Variants in IGFN1 observed in about 807,000 individuals in gnomAD.
IGFN1 encodes immunoglobulin-like and fibronectin type III domain-containing protein 1.
IGFN1 carries 253 observed loss-of-function variants against 289.5 expected under a neutral mutation model. The observed-to-expected ratio is 0.87, with a 90% CI of 0.79 to 0.97. The LOEUF (loss-of-function observed/expected upper bound fraction) is 0.97. Ranked by LOEUF, IGFN1 falls within the 50% of genes least tolerant of loss-of-function variation. The probability of loss-of-function intolerance (pLI) is 0.00; values close to 1 mark genes in which losing one functional copy is unlikely to be tolerated. For missense variants in IGFN1, 4,470 were observed against 4,686.1 expected (o/e 0.95, Z 1.35); for synonymous variants, 1,706 against 1,788.5 (o/e 0.95, Z 1.16).
rs760375729 is a variant in IGFN1 at position 201,212,236 on chromosome 1, T to G, written c.7343T>G (p.Leu2448Arg). The G allele has an allele frequency of 3.3e-6, 5 of 1,534,424 alleles. No individual in the cohort carries two copies. The South Asian group carries it at 6.0e-5, about 18-fold the overall frequency. ...GACAGCCTCAGGGGCACAGGGGTGC[T>G]GGGGTCTCAGGGAGGGCGACAGACT... ...HRDSLRGTGV[L>R]GSQGGRQTLS... The change falls in exon 12 of 24, where the codon CTG (leucine) becomes CGG (arginine). Residue 2448 changes from leucine (L) to arginine (R), a missense_variant. This residue lies in a region of IGFN1 where 2,218 missense variants were observed against 2,114.1 expected (regional missense o/e 1.05). Transcript: ENST00000335211.
chr1:201,225,913 C>T lies in IGFN1; in HGVS notation c.10576C>T (p.Gln3526Ter). ...GTGGGAACCCTCTCCTGACGAGGCC[C>T]AGGATGTCCCGCTGCACTACGCGGT... ...AEWEPSPDEAQDVPLHYAVFT... is the reference protein window; with the variant it reads ...AEWEPSPDEA Residue 3526 changes from glutamine to a stop codon, truncating the protein, a stop_gained, in exon 22 of 24, where the codon CAG becomes TAG. Coordinates refer to ENST00000335211, the MANE Select transcript of IGFN1 (RefSeq NM_001164586.2). LOFTEE classifies it high-confidence loss of function. The T allele has an allele frequency of 6.2e-7, 1 of 1,609,748 alleles. No individual in the cohort carries two copies. The highest frequency in any genetic ancestry group is 2.2e-5 in the East Asian group (1 of 44,854).
intron 18 of IGFN1, among the ~76,000 whole-genome samples, 180 bp downstream of exon 18, chr1:201,218,838 A>G (rs1334542533): frequency 6.6e-6 from 1 of 152,092 alleles, no homozygotes; most frequent in Non-Finnish European, 1.5e-5. Context: ...TAGGGGCCCT[A>G]CGTGAGCTCA....
chr1:201,205,197 G>T lies in IGFN1; in HGVS notation c.1032G>T (p.Arg344=). 6.4e-7 allele frequency: 1 copy of T among 1,551,252 alleles called. No individual in the cohort carries two copies. The change falls in exon 11 of 24, where the codon CGG becomes CGT. Residue 344 remains arginine, a synonymous_variant. Coordinates refer to ENST00000335211, the MANE Select transcript of IGFN1 (RefSeq NM_001164586.2). ...SPCPSAAWHF[R]HRLLHPSDKY... is the part of the protein sequence containing the mutation. ...GCCCTAGTGCAGCCTGGCATTTCCG[G>T]CACCGGCTACTCCACCCCAGTGACA...
In IGFN1 at chr1:201,209,290, C is replaced by T. The variant is rs375974998; in HGVS notation, c.4397C>T (p.Ala1466Val). 2.6e-5 allele frequency: 39 copies of T among 1,482,442 alleles called. No individual in the cohort carries two copies. The highest frequency in any genetic ancestry group is 3.5e-4 in the Middle Eastern group (2 of 5,724). 91.8% of individuals were successfully genotyped at this position (1,482,442 alleles called of 1,614,324 possible). Residue 1466 changes from alanine (A) to valine (V), a missense_variant, in exon 12 of 24, where the codon GCT (alanine) becomes GTT (valine). Around this residue, in one of 8 missense-constraint regions of IGFN1, gnomAD observed 2,011 missense variants for 1,953.4 expected, o/e 1.03. Transcript: ENST00000335211. Reference sequence around the variant, plus strand: ...GCAGGTTATAGGAAAAATTTGGGAGCTCCTGAGAGAATGGATTCAGGGAGC... The same window carrying T: ...GCAGGTTATAGGAAAAATTTGGGAGTTCCTGAGAGAATGGATTCAGGGAGC... ...DEAGYRKNLG[A>V]PERMDSGSKA...
Position 201,205,374 on chromosome 1 carries a change from G to A in IGFN1, c.1189+20G>A, listed in dbSNP as rs1012182638. The stretch of plus-strand genomic sequence containing the variant: ...TTGAAGGTGAGTGCTTCAAAACTCT[G>A]TCTTTCTCTGCCTCCAGGGAAGACC... On this transcript the variant is annotated intron_variant, in intron 11 of 23. Transcript: ENST00000335211. 1.3e-6 allele frequency: 2 copies of A among 1,508,228 alleles called. No homozygotes were observed. Among genetic ancestry groups the A allele is most frequent in the African/African-American group, 2.8e-5 (2 of 72,294 alleles). 93.4% of individuals were successfully genotyped at this position (1,508,228 alleles called of 1,614,324 possible).
At position 201,210,474 on chromosome 1, in the gene IGFN1, C is replaced by T; in HGVS notation, c.5581C>T (p.Pro1861Ser). 23 of 1,337,346 alleles carry T rather than the reference C, an allele frequency of 1.7e-5. 2 individuals carry two copies. The highest frequency in any genetic ancestry group is 2.7e-5 in the South Asian group (2 of 74,112). The allele number at this position is 1,337,346 out of a possible 1,614,324, so 82.8% of individuals were successfully genotyped here. ...EAGYRKDLGA[P>S]KGIGSGSKAD... ...AGGTTATAGGAAGGATTTGGGTGCT[C>T]CTAAGGGAATAGGTTCAGGGAGCAA... is the stretch of plus-strand genomic sequence containing the variant. The change falls in exon 12 of 24, where the codon CCT becomes TCT. Residue 1861 changes from proline (P) to serine (S), a missense_variant. Coordinates refer to ENST00000335211, the MANE Select transcript of IGFN1 (RefSeq NM_001164586.2).
In IGFN1 at chr1:201,226,963, ACCTGCTGCC is replaced by A; in HGVS notation, c.10871_10879del (p.Leu3624_Pro3626del). The A allele has an allele frequency of 6.2e-7, 1 of 1,612,930 alleles. No homozygotes were observed. The highest frequency in any genetic ancestry group is 1.3e-5 in the African/African-American group (1 of 75,042). On this transcript the variant is annotated inframe_deletion, in exon 23 of 24. Coordinates refer to ENST00000335211, the MANE Select transcript of IGFN1 (RefSeq NM_001164586.2). ...CGGTTCCTGGTGGGCCTGCGGTCCC[ACCTGCTGCC>A]CCAGGGCTGCGAGTGCTGCATGAGC...
rs538203760 is a variant in IGFN1, at chr1:201,199,334, T to C, written c.368T>C (p.Val123Ala). The C allele has an allele frequency of 3.6e-4, 558 of 1,552,066 alleles. 5 individuals carry two copies. The highest frequency in any genetic ancestry group is 2.4e-5 in the East Asian group (1 of 40,922). ...TTCCTCTCCTCCCTGGATGTTGCAG[T>C]TGGCTTTCGGAAGAATCGGAAGAGG... ...ACSVRLTVIEVGFRKNRKRHR... is the reference protein window; with the variant it reads ...ACSVRLTVIEAGFRKNRKRHR... Residue 123 changes from valine to alanine, a missense_variant and splice_region_variant, in exon 6 of 24, where the codon GTT becomes GCT. Transcript: ENST00000335211.
chr1:201,208,873 ATT>A lies in IGFN1; in HGVS notation c.3982_3983del (p.Leu1328ArgfsTer4). 1 of 1,536,348 alleles carries A rather than the reference ATT, an allele frequency of 6.5e-7. No homozygotes were observed. On this transcript the variant is annotated frameshift_variant, in exon 12 of 24. Coordinates refer to ENST00000335211, the MANE Select transcript of IGFN1 (RefSeq NM_001164586.2). LOFTEE classifies it high-confidence loss of function. ...ATGGATGAAGCAGGTTATAGGAAAGATTTAGGGGCTCCTGAGGGAATAAGTTC... is the reference window on the plus strand; with the variant it reads ...ATGGATGAAGCAGGTTATAGGAAAGATAGGGGCTCCTGAGGGAATAAGTTC...
At chr1:201,225,743 A>G in intron 21 of IGFN1, 81 bp from the exon 22 acceptor site, 1 of 1,287,526 alleles carries the variant, frequency 7.8e-7, no homozygotes, top group Non-Finnish European at 1.1e-6. Flanking sequence ...GGACCCTCAG[A>G]AGTCCTGGGA....
At chr1:201,199,518 C>T (rs1327528800) in intron 6 of IGFN1, 91 bp from the exon 7 acceptor site, 11 of 1,427,828 alleles carry the variant, frequency 7.7e-6, no homozygotes, top group Non-Finnish European at 1.1e-5. Context: ...TCCAAAGGCT[C>T]AGTTGTCAGC....
At chr1:201,221,326 G>C (rs1653704633) in intron 18 of IGFN1, 118 bp from the exon 19 acceptor site, 1 of 785,500 alleles carries the variant, frequency 1.3e-6, no homozygotes, top group Admixed American at 3.2e-5. Flanking sequence ...AGAATCTAAA[G>C]GCAGAATTGC....
chr1:201,210,711 A>G lies in IGFN1; in HGVS notation c.5818A>G (p.Ser1940Gly). 1 of 1,531,182 alleles carries G rather than the reference A, an allele frequency of 6.5e-7. No homozygotes were observed. The highest frequency in any genetic ancestry group is 8.7e-7 in the Non-Finnish European group (1 of 1,145,390). 94.8% of individuals were successfully genotyped at this position (1,531,182 alleles called of 1,614,324 possible). A position where few individuals can be genotyped will look rare whatever the true frequency, so the allele number is the denominator to read the frequency against. The change falls in exon 12 of 24, where the codon AGT (serine) becomes GGT (glycine). Residue 1940 changes from serine (S) to glycine (G), a missense_variant. Coordinates refer to ENST00000335211, the MANE Select transcript of IGFN1 (RefSeq NM_001164586.2). ...GGCTCCTGAGGGAATGGGTTCAGGGAGTAAGGAAGGTTTCAGGGATGGTTT... is the reference window on the plus strand; with the variant it reads ...GGCTCCTGAGGGAATGGGTTCAGGGGGTAAGGAAGGTTTCAGGGATGGTTT... ...LGAPEGMGSGSKEGFRDGLGG... is the reference protein window; with the variant it reads ...LGAPEGMGSGGKEGFRDGLGG...
chr1:201,211,331 G>T lies in IGFN1; in HGVS notation c.6438G>T (p.Leu2146Phe). 2 of 1,499,976 alleles carry T rather than the reference G, an allele frequency of 1.3e-6. No homozygotes were observed. Among genetic ancestry groups the T allele is most frequent in the East Asian group, 2.6e-5 (1 of 38,338 alleles). 92.9% of individuals were successfully genotyped at this position (1,499,976 alleles called of 1,614,324 possible). A position where few individuals can be genotyped will look rare whatever the true frequency, so the allele number is the denominator to read the frequency against. ...ATGAGGCAGGTTATAGGAAGGATTT[G>T]GGGGCTCCTAAGGGAATGGGTTCAG... ...SVNEAGYRKD[L>F]GAPKGMGSES... Residue 2146 changes from leucine (L) to phenylalanine (F), a missense_variant, in exon 12 of 24, where the codon TTG becomes TTT. By Grantham distance (22) the Leu-to-Phe change is conservative. Transcript: ENST00000335211.
rs1558140211 is a variant in IGFN1, at chr1:201,206,213, C to T, written c.1320C>T (p.Pro440=). Residue 440 remains proline (P), a synonymous_variant, in exon 12 of 24, where the codon CCC becomes CCT. Coordinates refer to ENST00000335211, the MANE Select transcript of IGFN1 (RefSeq NM_001164586.2). Reference sequence around the variant, plus strand: ...GAGAGAAATCCAGAGAGCAGGGCCCCAGGGGGGGCTCCCTTGAAGGGGCTG... The same window carrying T: ...GAGAGAAATCCAGAGAGCAGGGCCCTAGGGGGGGCTCCCTTGAAGGGGCTG... ...SQGEKSREQG[P]RGGSLEGAGP... The T allele has an allele frequency of 6.5e-7, 1 of 1,548,676 alleles. No individual in the cohort carries two copies. The highest frequency in any genetic ancestry group is 2.0e-5 in the Admixed American group (1 of 50,624).
At position 201,208,363 on chromosome 1, in the gene IGFN1, G is replaced by A; in HGVS notation, c.3470G>A (p.Arg1157Lys). ...GPGAMGPGSL[R>K]AGSKVGEGDG... is the part of the protein sequence containing the mutation. Reference sequence around the variant, plus strand: ...GGAGCCATGGGACCAGGGTCTCTGAGGGCAGGAAGCAAAGTGGGTGAGGGG... The same window carrying A: ...GGAGCCATGGGACCAGGGTCTCTGAAGGCAGGAAGCAAAGTGGGTGAGGGG... The change falls in exon 12 of 24, where the codon AGG (arginine) becomes AAG (lysine). Residue 1157 changes from arginine to lysine, a missense_variant. Around this residue, in one of 8 missense-constraint regions of IGFN1, gnomAD observed 2,011 missense variants for 1,953.4 expected, o/e 1.03. Coordinates refer to ENST00000335211, the MANE Select transcript of IGFN1 (RefSeq NM_001164586.2). The A allele has an allele frequency of 6.8e-7, 1 of 1,463,372 alleles. No homozygotes were observed. The highest frequency in any genetic ancestry group is 8.9e-7 in the Non-Finnish European group (1 of 1,117,660). The allele number at this position is 1,463,372 out of a possible 1,614,324, so 90.6% of individuals were successfully genotyped here. A position where few individuals can be genotyped will look rare whatever the true frequency, so the allele number is the denominator to read the frequency against.
In IGFN1 at chr1:201,213,172, T is replaced by C; in HGVS notation, c.8279T>C (p.Leu2760Pro). Residue 2760 changes from leucine to proline, a missense_variant, in exon 12 of 24, where the codon CTG (leucine) becomes CCG (proline). By Grantham distance (98) the Leu-to-Pro change is moderately conservative (BLOSUM62 -3). This residue lies in a region of IGFN1 where 2,218 missense variants were observed against 2,114.1 expected (regional missense o/e 1.05). Transcript: ENST00000335211. ...GATAGGTCAGGAGGGACCCAGGACC[T>C]GAGCTCTCAGCGAGGCAAGGGACAG... Reference protein sequence around the residue: ...SRDRSGGTQDLSSQRGKGQRG... With the variant: ...SRDRSGGTQDPSSQRGKGQRG... 6.4e-7 allele frequency: 1 copy of C among 1,551,626 alleles called. No homozygotes were observed. Among genetic ancestry groups the C allele is most frequent in the Non-Finnish European group, 8.7e-7 (1 of 1,146,960 alleles).
chr1:201,207,626 A>C lies in IGFN1; in HGVS notation c.2733A>C (p.Leu911Phe), dbSNP rs1211560569. Residue 911 changes from leucine to phenylalanine, a missense_variant, in exon 12 of 24, where the codon TTA becomes TTC. Around this residue, in one of 8 missense-constraint regions of IGFN1, gnomAD observed 2,011 missense variants for 1,953.4 expected, o/e 1.03. Coordinates refer to ENST00000335211, the MANE Select transcript of IGFN1 (RefSeq NM_001164586.2). ...SGGTLGDKKGLRGPGSIGSEP... is the reference protein window; with the variant it reads ...SGGTLGDKKGFRGPGSIGSEP... ...GGACACTAGGAGATAAGAAAGGATT[A>C]AGAGGTCCTGGGTCAATAGGGTCTG... 1 of 1,537,052 alleles carries C rather than the reference A, an allele frequency of 6.5e-7. No individual in the cohort carries two copies. Among genetic ancestry groups the C allele is most frequent in the Admixed American group, 2.0e-5 (1 of 50,982 alleles).
In IGFN1 at chr1:201,212,078, A is replaced by T. The variant is rs1220322178; in HGVS notation, c.7185A>T (p.Ala2395=). 3 of 1,536,404 alleles carry T rather than the reference A, an allele frequency of 2.0e-6. No individual in the cohort carries two copies. In the Admixed American group the frequency reaches 5.9e-5, roughly 30 times the overall value. Residue 2395 remains alanine, a synonymous_variant, in exon 12 of 24, where the codon GCA becomes GCT. Transcript: ENST00000335211. Reference sequence around the variant, plus strand: ...GTCACAGGTCAGGATATTGGGTAGCATCAGAGGGTGACACGAACTCCAAGG... The same window carrying T: ...GTCACAGGTCAGGATATTGGGTAGCTTCAGAGGGTGACACGAACTCCAAGG... ...AMGHRSGYWV[A]SEGDTNSKDG... is the part of the protein sequence containing the mutation.
Sources: allele counts gnomAD v4.1 joint callset (sites outside exome capture counted in the v4.1 genomes callset), GRCh38; gene constraint gnomAD v4.1.1; regional missense constraint gnomAD v4.1.1; transcripts MANE v1.5; gene names NCBI Gene and HGNC (gene_info 2026-07-23, HGNC 2026-07-21).